MCTP2: variants seen among roughly 807,000 people sequenced by gnomAD.
The protein encoded by MCTP2 is multiple C2 and transmembrane domain containing 2.
Under a neutral mutation model 111.6 loss-of-function variants are expected in MCTP2, and 132 were observed. The observed-to-expected ratio is 1.18, with a 90% confidence interval of 1.03 to 1.37. MCTP2 has a LOEUF of 1.37. Among genes scored for constraint, MCTP2 ranks in the 40% most tolerant of loss-of-function variants. The pLI, the probability that MCTP2 is intolerant of heterozygous loss-of-function variation, is 0.00. For synonymous variants in MCTP2, 395 were observed against 387.7 expected (o/e 1.02, Z -0.22); for missense variants, 1,183 against 1,067.9 (o/e 1.11, Z -1.50).
intron 19 of MCTP2, among the ~76,000 whole-genome samples, chr15:94,449,237 A>G (rs1243520731): frequency 6.6e-6 from 1 of 152,262 alleles, no homozygotes; most frequent in Non-Finnish European, 1.5e-5. Context: ...AATTAGATTT[A>G]TGAAAATATT....
At chr15:94,392,033 C>T (rs2081007344) in intron 14 of MCTP2, among the ~76,000 whole-genome samples, 1 of 152,034 alleles carries the variant, frequency 6.6e-6, no homozygotes, top group South Asian at 2.1e-4. Flanking sequence ...AGGTCAGAAA[C>T]TCGATACAGG....
At chr15:94,300,776 A>G (rs1266427403) in intron 2 of MCTP2, among the ~76,000 whole-genome samples, 2 of 152,138 alleles carry the variant, frequency 1.3e-5, no homozygotes, top group African/African-American at 4.8e-5. Flanking sequence ...AAATGAGGGC[A>G]TGTTATCTGT....
intron 1 of MCTP2, among the ~76,000 whole-genome samples, chr15:94,237,245 A>T (rs971269769): frequency 6.6e-6 from 1 of 152,168 alleles, no homozygotes; most frequent in African/African-American, 2.4e-5. Flanking sequence ...CTGATTGAAT[A>T]ATGCAGTTGC....
At position 94,367,274 on chromosome 15, in the gene MCTP2, A is replaced by C. The variant is rs554386923; in HGVS notation, c.1302-331A>C. ...AAGCCATACAGCATGCTTACTCATAAGGCTTAAACTTTCAAACTTTTTCTT... is the reference window on the plus strand; with the variant it reads ...AAGCCATACAGCATGCTTACTCATACGGCTTAAACTTTCAAACTTTTTCTT... On this transcript the variant is annotated intron_variant, in intron 10 of 22. Transcript: ENST00000357742. 5.9e-5 allele frequency among the ~76,000 whole-genome samples: 9 copies of C among 152,310 alleles called. No homozygotes were observed. In the South Asian group the frequency reaches 1.4e-3, roughly 25 times the overall value.
At chr15:94,428,952 C>A (rs2083022833) in intron 17 of MCTP2, among the ~76,000 whole-genome samples, 2 of 152,148 alleles carry the variant, frequency 1.3e-5, no homozygotes, top group Admixed American at 6.6e-5. Context: ...TTAGTGCATC[C>A]TGACAATTGT....
intron 2 of MCTP2, among the ~76,000 whole-genome samples, chr15:94,299,051 T>TCCCCTC: frequency 8.5e-6 from 1 of 117,862 alleles, no homozygotes; most frequent in Non-Finnish European, 1.8e-5. Flanking sequence ...CCCTTCCCCT[T>TCCCCTC]CCCCTCCCTT....
At chr15:94,367,924 T>A (rs2079285518) in intron 11 of MCTP2, 133 bp downstream of exon 11, 7 of 751,792 alleles carry the variant, frequency 9.3e-6, no homozygotes, top group Non-Finnish European at 1.4e-5. Flanking sequence ...TCCTTGTACG[T>A]CATAAAACAA....
rs1257125187 is a variant in MCTP2 at position 94,395,388 on chromosome 15, A to G, written c.1789-3573A>G. 6.6e-5 allele frequency among the ~76,000 whole-genome samples: 10 copies of G among 152,330 alleles called. No homozygotes were observed. In the East Asian group the frequency reaches 1.9e-3, roughly 29 times the overall value. ...CCCTTTAGTTTGGATTTTGATCTTA[A>G]GTGTGTATCTTTCCTCTCTAAAGCC... is the stretch of plus-strand genomic sequence containing the variant. On this transcript the variant is annotated intron_variant, in intron 14 of 22. Coordinates refer to ENST00000357742, the MANE Select transcript of MCTP2 (RefSeq NM_001385001.1).
Position 94,314,323 on chromosome 15 carries a change from T to G in MCTP2, c.507T>G (p.Ser169=). 1 of 1,608,476 alleles carries G rather than the reference T, an allele frequency of 6.2e-7. No individual in the cohort carries two copies. Among genetic ancestry groups the G allele is most frequent in the East Asian group, 2.2e-5 (1 of 44,836 alleles). ...GTGACCTGAATGCTTCTATGACATC[T>G]CAACATTTTGAAGAACAATCTGTGA... The part of the protein sequence containing the change: ...GSSDLNASMT[S]QHFEEQSVPG... The change falls in exon 3 of 23, where the codon TCT becomes TCG. Residue 169 remains serine (S), a synonymous_variant. Transcript: ENST00000357742.
intron 22 of MCTP2, among the ~76,000 whole-genome samples, chr15:94,477,064 A>T (rs1472421368): frequency 6.6e-6 from 1 of 152,154 alleles, no homozygotes; most frequent in Non-Finnish European, 1.5e-5. Flanking sequence ...TCCCCTTTCG[A>T]TTGCTTGCCT....
chr15:94,377,950 C>T (rs139474632), intron 12 of MCTP2, among the ~76,000 whole-genome samples: 4 of 152,002 alleles, frequency 2.6e-5, no homozygotes, highest in East Asian at 3.9e-4. Flanking sequence ...GCAAGCAGGA[C>T]GAGAAGACAG....
At chr15:94,330,356 AAGG>A (rs2077074943) in intron 4 of MCTP2, among the ~76,000 whole-genome samples, 1 of 152,206 alleles carries the variant, frequency 6.6e-6, no homozygotes, top group African/African-American at 2.4e-5. Flanking sequence ...AATTTTTAAT[AAGG>A]AGAATGCGAG....
intron 14 of MCTP2, among the ~76,000 whole-genome samples, chr15:94,386,934 C>G (rs1291425603): frequency 6.6e-6 from 1 of 152,068 alleles, no homozygotes; most frequent in South Asian, 2.1e-4. Context: ...AACCCTTACC[C>G]GATTCTGTCT....
chr15:94,444,327 G>A (rs2083997553), intron 19 of MCTP2, among the ~76,000 whole-genome samples: 1 of 152,212 alleles, frequency 6.6e-6, no homozygotes, highest in Non-Finnish European at 1.5e-5. Flanking sequence ...GAAGCTTCCA[G>A]AAACGGTATT....
chr15:94,360,544 TGAACAGTGGGA>T (rs2078874707), intron 10 of MCTP2, among the ~76,000 whole-genome samples: 1 of 152,248 alleles, frequency 6.6e-6, no homozygotes, highest in Non-Finnish European at 1.5e-5. Context: ...AAGTGTTATC[TGAACAGTGGGA>T]ACAGGGGCCT....
intron 4 of MCTP2, among the ~76,000 whole-genome samples, chr15:94,326,818 A>ACCC (rs1278463635): frequency 0.037 from 1,679 of 45,150 alleles, 74 homozygotes; most frequent in African/African-American, 0.055. Flanking sequence ...TCCCCGCCCC[A>ACCC]CCCCCCCCCA....
At chr15:94,411,066 T>G (rs1360822647) in intron 17 of MCTP2, among the ~76,000 whole-genome samples, 1 of 152,228 alleles carries the variant, frequency 6.6e-6, no homozygotes, top group Non-Finnish European at 1.5e-5. Context: ...ATTCTATTTT[T>G]GATATTTTCA....
intron 12 of MCTP2, among the ~76,000 whole-genome samples, chr15:94,379,638 T>C (rs1354210995): frequency 2.0e-5 from 3 of 151,182 alleles, no homozygotes; most frequent in South Asian, 2.1e-4. Context: ...TATCCACCTG[T>C]ATCTTACATT....
chr15:94,259,142 C>G (rs192664352), intron 1 of MCTP2, among the ~76,000 whole-genome samples: 1 of 152,186 alleles, frequency 6.6e-6, no homozygotes, highest in Non-Finnish European at 1.5e-5. Flanking sequence ...CTTCACCCCA[C>G]CCAGCCTAGT....
Sources: allele counts gnomAD v4.1 joint callset (sites outside exome capture counted in the v4.1 genomes callset), GRCh38; gene constraint gnomAD v4.1.1; transcripts MANE v1.5; gene names NCBI Gene and HGNC (gene_info 2026-07-23, HGNC 2026-07-21).